The following NALF1 variants were observed in gnomAD, a reference collection of about 807,000 sequenced individuals.
The protein encoded by NALF1 is NALCN channel auxiliary factor 1, also known as family with sequence similarity 155 member A.
In NALF1, 3 loss-of-function variants were observed where a neutral mutation model predicts 48.4. That is an observed-to-expected ratio of 0.06 (90% CI 0.03 to 0.16). The LOEUF (loss-of-function observed/expected upper bound fraction) is 0.16. Ranked by LOEUF, NALF1 falls within the 10% of genes least tolerant of loss-of-function variation. The pLI is 1.00. For missense variants in NALF1, 526 were observed against 571.5 expected (o/e 0.92, Z 0.81); for synonymous variants, 262 against 245.7 (o/e 1.07, Z -0.62).
intron 1 of NALF1, among the ~76,000 whole-genome samples, chr13:107,299,143 T>G (rs2138890617): frequency 6.6e-6 from 1 of 152,334 alleles, no homozygotes; most frequent in South Asian, 2.1e-4. Context: ...TTTTTCATGC[T>G]TTAACTGACA....
intron 1 of NALF1, among the ~76,000 whole-genome samples, chr13:107,548,980 C>T (rs1415363806): frequency 6.6e-6 from 1 of 152,102 alleles, no homozygotes; most frequent in African/African-American, 2.4e-5. Flanking sequence ...CATAATTGCA[C>T]ATCGGCCAAG....
At chr13:107,701,910 T>C (rs964580344) in intron 1 of NALF1, among the ~76,000 whole-genome samples, 2 of 152,208 alleles carry the variant, frequency 1.3e-5, no homozygotes, top group African/African-American at 4.8e-5. Context: ...TGAGCTCACT[T>C]TAATGCGCTT....
At chr13:107,284,928 T>A (rs1255529970) in intron 1 of NALF1, among the ~76,000 whole-genome samples, 3 of 151,322 alleles carry the variant, frequency 2.0e-5, no homozygotes, top group African/African-American at 7.3e-5. Flanking sequence ...AAATGATAGA[T>A]TGACTTGACT....
intron 1 of NALF1, among the ~76,000 whole-genome samples, chr13:107,586,058 A>C (rs780585400): frequency 3.9e-5 from 6 of 152,142 alleles, no homozygotes; most frequent in Admixed American, 6.6e-5. Context: ...GGAGATAAGC[A>C]ATGGCATTGA....
intron 1 of NALF1, among the ~76,000 whole-genome samples, chr13:107,530,971 T>C (rs1876610367): frequency 6.6e-6 from 1 of 151,990 alleles, no homozygotes. Flanking sequence ...GTTAAAGGGA[T>C]AGTCTTTGTA....
intron 1 of NALF1, among the ~76,000 whole-genome samples, chr13:107,221,760 G>A (rs538151631): frequency 1.4e-4 from 22 of 152,118 alleles, no homozygotes; most frequent in Middle Eastern, 6.8e-3. Flanking sequence ...AACAGAGACA[G>A]GGTGGGCTTT....
chr13:107,682,529 C>T (rs564668981), intron 1 of NALF1, among the ~76,000 whole-genome samples: 1 of 152,246 alleles, frequency 6.6e-6, no homozygotes, highest in East Asian at 1.9e-4. Context: ...TATTTCATCC[C>T]GAACGAGGCC....
intron 1 of NALF1, among the ~76,000 whole-genome samples, chr13:107,685,891 G>A (rs986108804): frequency 2.6e-5 from 4 of 152,216 alleles, no homozygotes; most frequent in African/African-American, 7.2e-5. Flanking sequence ...TCGGTGTTCC[G>A]TGGTGTGTAT....
rs1218481949 is a variant in NALF1, at chr13:107,272,397, G to A, written c.916-61642C>T. On this transcript the variant is annotated intron_variant, in intron 1 of 2. Transcript: ENST00000375915. ...GCCCGGCTAATTTTTTGTATTTTTA[G>A]TAGAGACGGGGTTTCACCTTGTTAG... Among the ~76,000 whole-genome samples, 12 of 48,568 alleles carry A rather than the reference G, an allele frequency of 2.5e-4. 3 individuals carry two copies. The highest frequency in any genetic ancestry group is 8.3e-4 in the Admixed American group (3 of 3,596). The allele number at this position is 48,568 out of a possible 152,430, so 31.9% of individuals were successfully genotyped here. A position where few individuals can be genotyped will look rare whatever the true frequency, so the allele number is the denominator to read the frequency against.
intron 1 of NALF1, among the ~76,000 whole-genome samples, chr13:107,553,116 T>TA (rs200912295): frequency 0.013 from 2,032 of 152,192 alleles, 49 homozygotes; most frequent in African/African-American, 0.047. Context: ...ACAGGCAAGA[T>TA]AAAAAAAGCT....
At chr13:107,710,421 C>A (rs536494617) in intron 1 of NALF1, among the ~76,000 whole-genome samples, 1 of 152,086 alleles carries the variant, frequency 6.6e-6, no homozygotes, top group African/African-American at 2.4e-5. Context: ...TGCGTTAGTT[C>A]GTTTTCACAC....
At chr13:107,376,172 C>T (rs755542086) in intron 1 of NALF1, among the ~76,000 whole-genome samples, 5 of 152,156 alleles carry the variant, frequency 3.3e-5, no homozygotes, top group Middle Eastern at 3.2e-3. Context: ...ACTTTGCGCG[C>T]CCTTTCCTGC....
chr13:107,584,233 C>T (rs952777695), intron 1 of NALF1, among the ~76,000 whole-genome samples: 8 of 152,124 alleles, frequency 5.3e-5, no homozygotes, highest in Admixed American at 2.6e-4. Flanking sequence ...AAGATTAATA[C>T]GTACCTGATA....
chr13:107,272,195 ATTTTTTTTTTTTTTT>A (rs776753457), intron 1 of NALF1, among the ~76,000 whole-genome samples: 1 of 22,536 alleles, frequency 4.4e-5, no homozygotes, highest in African/African-American at 9.6e-5. Context: ...AGACCTTAGA[ATTTTTTTTTTTTTTT>A]TTTTTTTTTT....
chr13:107,429,153 C>CG (rs1884331525), intron 1 of NALF1, among the ~76,000 whole-genome samples: 1 of 151,864 alleles, frequency 6.6e-6, no homozygotes, highest in Non-Finnish European at 1.5e-5. Flanking sequence ...TGAAACCCCC[C>CG]TCTCTACTGA....
At chr13:107,403,042 AAG>A (rs1338291356) in intron 1 of NALF1, among the ~76,000 whole-genome samples, 3 of 151,920 alleles carry the variant, frequency 2.0e-5, no homozygotes, top group African/African-American at 7.3e-5. Flanking sequence ...TCTCACCATC[AAG>A]ATGTGCCCAG....
chr13:107,740,746 C>G (rs1395029276), intron 1 of NALF1, among the ~76,000 whole-genome samples: 2 of 152,200 alleles, frequency 1.3e-5, no homozygotes, highest in Non-Finnish European at 2.9e-5. Context: ...TTCACTGGCT[C>G]AAGAACAGTT....
At chr13:107,778,424 T>A (rs1877797406) in intron 1 of NALF1, among the ~76,000 whole-genome samples, 1 of 152,146 alleles carries the variant, frequency 6.6e-6, no homozygotes, top group Non-Finnish European at 1.5e-5. Flanking sequence ...AATATTGAAC[T>A]TGAACTGAAT....
At chr13:107,660,273 A>G (rs1040630332) in intron 1 of NALF1, among the ~76,000 whole-genome samples, 2 of 151,654 alleles carry the variant, frequency 1.3e-5, no homozygotes, top group African/African-American at 4.8e-5. Context: ...CCCCGTCTCT[A>G]CCAAAAATAC....
Sources: gnomAD v4.1 joint callset for allele counts (sites outside exome capture counted in the v4.1 genomes callset) on GRCh38, gnomAD v4.1.1 for gene constraint, MANE v1.5 for transcripts, NCBI Gene and HGNC (gene_info 2026-07-23, HGNC 2026-07-21) for gene names.